Variants in CACNA2D3 observed in about 807,000 individuals in gnomAD.
The protein encoded by CACNA2D3 is voltage-dependent calcium channel subunit alpha-2/delta-3.
CACNA2D3 carries 60 observed loss-of-function variants against 160.6 expected under a neutral mutation model. That is an observed-to-expected ratio of 0.37 (90% CI 0.30 to 0.46). The LOEUF is 0.46. CACNA2D3 is among the 20% of genes least tolerant of loss of function. The probability of loss-of-function intolerance (pLI) is 1.00; values close to 1 mark genes in which losing one functional copy is unlikely to be tolerated. For synonymous variants in CACNA2D3, 558 were observed against 492.9 expected (o/e 1.13, Z -1.75); for missense variants, 1,205 against 1,365.0 (o/e 0.88, Z 1.85).
At chr3:54,604,971 C>G (rs939821859) in intron 9 of CACNA2D3, among the ~76,000 whole-genome samples, 1 of 152,176 alleles carries the variant, frequency 6.6e-6, no homozygotes. Flanking sequence ...TGGAGGCTGA[C>G]AGTCTGAAAA....
chr3:54,723,014 A>T (rs644719), intron 11 of CACNA2D3, among the ~76,000 whole-genome samples: 2 of 152,054 alleles, frequency 1.3e-5, no homozygotes, highest in Non-Finnish European at 2.9e-5. Context: ...TCCGCCAGGT[A>T]CTCTGTCCCA....
At chr3:54,884,089 G>A (rs947175245) in intron 21 of CACNA2D3, among the ~76,000 whole-genome samples, 8 of 152,118 alleles carry the variant, frequency 5.3e-5, no homozygotes. Context: ...AGGAAGGAAT[G>A]GGAGGAGGGC....
intron 27 of CACNA2D3, among the ~76,000 whole-genome samples, chr3:54,945,015 AAACTT>A (rs1466591640): frequency 2.0e-5 from 3 of 152,148 alleles, no homozygotes; most frequent in African/African-American, 7.2e-5. Context: ...GAATCAATGA[AAACTT>A]AGCCAAACTG....
chr3:54,606,740 G>C (rs1698635630), intron 9 of CACNA2D3, among the ~76,000 whole-genome samples: 1 of 152,148 alleles, frequency 6.6e-6, no homozygotes, highest in Non-Finnish European at 1.5e-5. Flanking sequence ...ACACACTGGA[G>C]CACTGGATCC....
At position 55,038,584 on chromosome 3, in the gene CACNA2D3, C is replaced by T. The variant is rs868814691; in HGVS notation, c.2987+20267C>T. Among the ~76,000 whole-genome samples, 134 of 152,032 alleles carry T rather than the reference C, an allele frequency of 8.8e-4. No individual in the cohort carries two copies. In the Middle Eastern group the frequency reaches 0.01, roughly 12 times the overall value. On this transcript the variant is annotated intron_variant, in intron 35 of 37. Transcript: ENST00000474759. ...CTCACAGGTATATAACACTGTTATT[C>T]CTTGTTCCTCTTAGAAAGTTAGAAT... is the stretch of plus-strand genomic sequence containing the variant.
intron 27 of CACNA2D3, among the ~76,000 whole-genome samples, chr3:54,916,215 C>G (rs969511498): frequency 6.6e-6 from 1 of 152,130 alleles, no homozygotes; most frequent in Non-Finnish European, 1.5e-5. Context: ...ACACGGTACA[C>G]GGTGTGAGCT....
intron 3 of CACNA2D3, among the ~76,000 whole-genome samples, chr3:54,334,822 C>T (rs1704339855): frequency 6.6e-6 from 1 of 152,190 alleles, no homozygotes; most frequent in Non-Finnish European, 1.5e-5. Context: ...GTAAATAGTA[C>T]CTTTTACAAC....
chr3:54,329,810 CA>C (rs1193297731), intron 3 of CACNA2D3, among the ~76,000 whole-genome samples: 1 of 152,108 alleles, frequency 6.6e-6, no homozygotes, highest in East Asian at 1.9e-4. Flanking sequence ...TTACCAGCAA[CA>C]AATTAAAGGG....
At chr3:54,268,510 A>G (rs568197424) in intron 2 of CACNA2D3, among the ~76,000 whole-genome samples, 11 of 152,270 alleles carry the variant, frequency 7.2e-5, no homozygotes, top group African/African-American at 2.4e-4. Flanking sequence ...CCTGGGTTCA[A>G]GCGATTCTCC....
intron 31 of CACNA2D3, among the ~76,000 whole-genome samples, chr3:54,996,771 C>A (rs1702867383): frequency 6.6e-6 from 1 of 152,056 alleles, no homozygotes; most frequent in South Asian, 2.1e-4. Flanking sequence ...TGGAACCAAC[C>A]CAAATGCCCA....
At chr3:54,492,846 T>C (rs994399760) in intron 4 of CACNA2D3, among the ~76,000 whole-genome samples, 1 of 152,182 alleles carries the variant, frequency 6.6e-6, no homozygotes, top group Non-Finnish European at 1.5e-5. Context: ...CTTTCTGTTC[T>C]ACAGCTCGTT....
intron 13 of CACNA2D3, among the ~76,000 whole-genome samples, chr3:54,765,177 C>T (rs1007251157): frequency 2.6e-5 from 4 of 152,160 alleles, no homozygotes; most frequent in Non-Finnish European, 5.9e-5. Flanking sequence ...CAGCTTTTCT[C>T]TCCCTGGGCT....
chr3:54,243,523 C>T (rs1702011911), intron 2 of CACNA2D3, among the ~76,000 whole-genome samples: 1 of 152,160 alleles, frequency 6.6e-6, no homozygotes, highest in Admixed American at 6.5e-5. Flanking sequence ...AACTTTGCAG[C>T]ACAAATGATA....
intron 2 of CACNA2D3, among the ~76,000 whole-genome samples, chr3:54,150,116 T>C (rs1480577900): frequency 2.0e-5 from 3 of 151,140 alleles, no homozygotes; most frequent in Non-Finnish European, 4.4e-5. Flanking sequence ...GTTTTGGGGA[T>C]TTGCTTCCCT....
At chr3:54,992,717 T>C (rs571451941) in intron 31 of CACNA2D3, among the ~76,000 whole-genome samples, 1 of 151,164 alleles carries the variant, frequency 6.6e-6, no homozygotes, top group African/African-American at 2.4e-5. Flanking sequence ...CCACCTTCAG[T>C]GTCTTGATGG....
At chr3:54,633,468 A>T (rs1699291462) in intron 10 of CACNA2D3, 1 of 152,226 alleles carries the variant, frequency 6.6e-6, no homozygotes, top group Non-Finnish European at 1.5e-5. Context: ...GGCTTGCAGA[A>T]GTTTGAAGAG....
rs562071005 is a variant in CACNA2D3, at chr3:54,662,243, C to T, written c.1167+20002C>T. On this transcript the variant is annotated intron_variant, in intron 11 of 37. Transcript: ENST00000474759. ...CTGGGAGCCTCTATGCTACTGAGGA[C>T]TGAACACAAAGCATGTGCTTGCAGG... Among the ~76,000 whole-genome samples, 20 of 152,208 alleles carry T rather than the reference C, an allele frequency of 1.3e-4. No individual in the cohort carries two copies. The East Asian group carries it at 3.5e-3, about 27-fold the overall frequency.
At chr3:54,957,166 CT>C (rs57778359) in intron 27 of CACNA2D3, among the ~76,000 whole-genome samples, 130,408 of 148,790 alleles carry the variant, frequency 0.88, 57,169 homozygotes, top group African/African-American at 0.94. Flanking sequence ...AAATAATTTT[CT>C]TTTTTTTTTT....
intron 4 of CACNA2D3, among the ~76,000 whole-genome samples, chr3:54,490,195 C>A (rs1003160566): frequency 1.3e-5 from 2 of 152,216 alleles, no homozygotes; most frequent in Non-Finnish European, 2.9e-5. Flanking sequence ...GAACCTGCTG[C>A]AGGCACTGTG....
Sources: gnomAD v4.1 joint callset for allele counts (sites outside exome capture counted in the v4.1 genomes callset) on GRCh38, gnomAD v4.1.1 for gene constraint, MANE v1.5 for transcripts, NCBI Gene and HGNC (gene_info 2026-07-23, HGNC 2026-07-21) for gene names.